The following XPO1 variants were observed in gnomAD, a reference collection of about 807,000 sequenced individuals.
The protein encoded by XPO1 is exportin-1.
Under a neutral mutation model 133.3 loss-of-function variants are expected in XPO1, and 5 were observed. That is an observed-to-expected ratio of 0.04 (90% CI 0.02 to 0.08). The LOEUF (loss-of-function observed/expected upper bound fraction) is 0.08. Ranked by LOEUF, XPO1 falls within the 10% of genes least tolerant of loss-of-function variation. The pLI, the probability that XPO1 is intolerant of heterozygous loss-of-function variation, is 1.00. For synonymous variants in XPO1, 419 were observed against 408.2 expected (o/e 1.03, Z -0.32); for missense variants, 506 against 1,267.5 (o/e 0.40, Z 9.12).
At chr2:61,487,567 T>C (rs1038829602) in intron 19 of XPO1, among the ~76,000 whole-genome samples, 2 of 151,864 alleles carry the variant, frequency 1.3e-5, no homozygotes, top group Non-Finnish European at 2.9e-5. Context: ...ACCAACACTA[T>C]TCCAAGTAAT....
intron 20 of XPO1, chr2:61,484,710 C>A (rs1475502478): frequency 1.3e-5 from 2 of 152,696 alleles, no homozygotes; most frequent in African/African-American, 4.8e-5. Flanking sequence ...TCACTGCAAG[C>A]TCCGCCTCCC....
chr2:61,538,327 GCCCATGGCGCC>G lies in XPO1; in HGVS notation c.-783_-773del, dbSNP rs1477084489. 6.3e-6 allele frequency: 1 copy of G among 157,884 alleles called. No homozygotes were observed. The allele number at this position is 157,884 out of a possible 1,614,324, so 9.8% of individuals were successfully genotyped here. A position where few individuals can be genotyped will look rare whatever the true frequency, so the allele number is the denominator to read the frequency against. ...AGATTCCATCTCGGTTGAGTTTTCA[GCCCATGGCGCC>G]GCGGAGCGTTTGGAACCTGGGCCTC... On this transcript the variant is annotated 5_prime_UTR_variant, in exon 1 of 25. An upstream start codon of the reference 5' UTR is lost. Transcript: ENST00000401558.
intron 23 of XPO1, 128 bp from the exon 24 acceptor site, chr2:61,481,409 A>G (rs1696345997): frequency 2.1e-6 from 1 of 477,416 alleles, no homozygotes; most frequent in South Asian, 6.3e-5. Context: ...CCCGGGTTCA[A>G]GACATTCTCC....
chr2:61,528,752 T>TAC (rs1205679902), intron 2 of XPO1, among the ~76,000 whole-genome samples: 1 of 20,224 alleles, frequency 4.9e-5, no homozygotes, highest in Non-Finnish European at 1.1e-4. Flanking sequence ...TATATATATA[T>TAC]ATATATATAT....
At chr2:61,527,544 A>G (rs1474130818) in intron 2 of XPO1, among the ~76,000 whole-genome samples, 1 of 152,150 alleles carries the variant, frequency 6.6e-6, no homozygotes, top group African/African-American at 2.4e-5. Flanking sequence ...GTAGCAGGAC[A>G]CTCTGCTTTA....
At chr2:61,502,562 GACCA>G (rs1216276457) in intron 4 of XPO1, 3 of 325,768 alleles carry the variant, frequency 9.2e-6, no homozygotes, top group Non-Finnish European at 1.7e-5. Flanking sequence ...AGACCAGCAT[GACCA>G]ACATGGTGAA....
intron 3 of XPO1, among the ~76,000 whole-genome samples, chr2:61,524,531 G>C (rs1698832725): frequency 6.6e-6 from 1 of 152,144 alleles, no homozygotes. Flanking sequence ...TAGGTCAAAG[G>C]AATACATCTG....
At chr2:61,536,098 T>C (rs1454218949) in intron 1 of XPO1, 2 of 152,232 alleles carry the variant, frequency 1.3e-5, no homozygotes, top group Non-Finnish European at 2.9e-5. Flanking sequence ...TCTTATAAAA[T>C]TCTCCGAACT....
At chr2:61,517,773 A>G (rs570121808) in intron 4 of XPO1, among the ~76,000 whole-genome samples, 7 of 152,192 alleles carry the variant, frequency 4.6e-5, no homozygotes, top group African/African-American at 1.7e-4. Context: ...CTATCTCTAA[A>G]AAAAAAAATT....
At chr2:61,501,094 C>CCT (rs1218704292) in intron 6 of XPO1, among the ~76,000 whole-genome samples, 1 of 152,000 alleles carries the variant, frequency 6.6e-6, no homozygotes, top group African/African-American at 2.4e-5. Flanking sequence ...TATATTCTCT[C>CCT]CTCTCTCTCA....
intron 9 of XPO1, among the ~76,000 whole-genome samples, chr2:61,497,990 T>C (rs974809318): frequency 1.3e-5 from 2 of 152,258 alleles, no homozygotes; most frequent in Admixed American, 6.5e-5. Flanking sequence ...GGTCAAGTTA[T>C]AATGTTCCAA....
intron 1 of XPO1, among the ~76,000 whole-genome samples, chr2:61,535,079 C>G (rs989808345): frequency 6.6e-6 from 1 of 152,150 alleles, no homozygotes; most frequent in East Asian, 1.9e-4. Flanking sequence ...TGGTTAAAAC[C>G]TACTAGTTCA....
At chr2:61,483,889 T>C in intron 21 of XPO1, 48 bp downstream of exon 21, 1 of 1,581,386 alleles carries the variant, frequency 6.3e-7, no homozygotes, top group Non-Finnish European at 8.7e-7. Context: ...ACTATATTTG[T>C]ATTTTTGGAT....
intron 4 of XPO1, among the ~76,000 whole-genome samples, chr2:61,505,687 G>C (rs978710110): frequency 6.6e-6 from 1 of 152,022 alleles, no homozygotes; most frequent in Admixed American, 6.6e-5. Context: ...GCATCCCAAA[G>C]TGCTGAGATT....
rs1699023503 is a variant in XPO1, at chr2:61,528,736, TATATATATATATATATATA to T, written c.127-2234_127-2216del. Reference sequence around the variant, plus strand: ...TCCAGCCATGTCGACATTTTATTTATATATATATATATATATATATATATATATATATATATATATATAT... The same window carrying T: ...TCCAGCCATGTCGACATTTTATTTATTATATATATATATATATATATATAT... On this transcript the variant is annotated intron_variant, in intron 2 of 24. Transcript: ENST00000401558. 1.6e-3 allele frequency among the ~76,000 whole-genome samples: 3 copies of T among 1,894 alleles called. No individual in the cohort carries two copies. The South Asian group carries it at 0.094, about 59-fold the overall frequency. 1.2% of individuals were successfully genotyped at this position (1,894 alleles called of 152,430 possible).
intron 6 of XPO1, among the ~76,000 whole-genome samples, chr2:61,501,151 TG>T (rs1697494980): frequency 6.6e-6 from 1 of 152,190 alleles, no homozygotes. Flanking sequence ...TAATAAAAGC[TG>T]GAGTTAATTA....
rs1699408593 is a variant in XPO1, at chr2:61,537,565, G to C, written c.-10C>G. 1 of 151,024 alleles carries C rather than the reference G, an allele frequency of 6.6e-6. No individual in the cohort carries two copies. 9.4% of individuals were successfully genotyped at this position (151,024 alleles called of 1,614,324 possible). The stretch of plus-strand genomic sequence containing the variant: ...CCCGAAGACACAGTCGACTTACCCA[G>C]AGATTGAACCAACTGCTCCTTCCTT... On this transcript the variant is annotated 5_prime_UTR_variant, in exon 1 of 25. Coordinates refer to ENST00000401558, the MANE Select transcript of XPO1 (RefSeq NM_003400.4).
chr2:61,509,168 ATTT>A (rs938167243), intron 4 of XPO1, among the ~76,000 whole-genome samples: 11 of 140,590 alleles, frequency 7.8e-5, no homozygotes, highest in Non-Finnish European at 1.1e-4. Context: ...CGCCCAGCTG[ATTT>A]TTTTTTTTTT....
At chr2:61,530,049 A>G (rs1699086090) in intron 2 of XPO1, among the ~76,000 whole-genome samples, 1 of 152,268 alleles carries the variant, frequency 6.6e-6, no homozygotes, top group African/African-American at 2.4e-5. Flanking sequence ...CTAGGGCCAA[A>G]GCACATTTTA....
Sources: allele counts gnomAD v4.1 joint callset (sites outside exome capture counted in the v4.1 genomes callset), GRCh38; gene constraint gnomAD v4.1.1; transcripts MANE v1.5; gene names NCBI Gene and HGNC (gene_info 2026-07-23, HGNC 2026-07-21).